DBNL: variants seen among roughly 807,000 people sequenced by gnomAD.
DBNL encodes drebrin-like protein.
In DBNL, 35 loss-of-function variants were observed where a neutral mutation model predicts 62.2. The ratio of observed to expected loss-of-function variants is 0.56; its 90% CI spans 0.43 to 0.75. The LOEUF (loss-of-function observed/expected upper bound fraction) is 0.75. DBNL is among the 30% of genes least tolerant of loss of function. DBNL has a pLI of 0.00. For synonymous variants in DBNL, 197 were observed against 218.0 expected, an observed-to-expected ratio of 0.90 and a Z score of 0.85; for missense variants, 495 against 578.4, an observed-to-expected ratio of 0.86 and a Z score of 1.48.
rs183374479 is a variant in DBNL, at chr7:44,049,408, C to T, written c.84-817C>T. On this transcript the variant is annotated intron_variant, in intron 1 of 12. Coordinates refer to ENST00000448521, the MANE Select transcript of DBNL (RefSeq NM_001014436.3). ...CCTGACCTCGTGATCCACATCTGCC[C>T]GCCTCGGCCTCCCAGAGTGCTGGGA... Among the ~76,000 whole-genome samples the T allele has an allele frequency of 1.4e-4, 22 of 152,274 alleles. No homozygotes were observed. The East Asian group carries it at 2.5e-3, about 17-fold the overall frequency.
In DBNL at chr7:44,062,938, G is replaced by A. The variant is rs112718874; in HGVS notation, c.*2022G>A. 2.9e-5 allele frequency: 47 copies of A among 1,613,506 alleles called. No individual in the cohort carries two copies. Among genetic ancestry groups the A allele is most frequent in the South Asian group, 5.5e-5 (5 of 91,080 alleles). ...TCGCCTGGTCTGACATCCCTATGCC[G>A]GAAGGAATAGGTGTCCTTAGCCCCT... On this transcript the variant is annotated 3_prime_UTR_variant, in exon 13 of 13. Coordinates refer to ENST00000448521, the MANE Select transcript of DBNL (RefSeq NM_001014436.3).
chr7:44,053,964 C>T (rs1350374366), intron 4 of DBNL, among the ~76,000 whole-genome samples: 1 of 152,146 alleles, frequency 6.6e-6, no homozygotes, highest in South Asian at 2.1e-4. Flanking sequence ...GCGTGAACCA[C>T]CACGCCCAGC....
chr7:44,051,527 G>GT (rs1464208050), intron 2 of DBNL: 1 of 240,984 alleles, frequency 4.1e-6, no homozygotes, highest in Non-Finnish European at 8.1e-6. Flanking sequence ...AAATGACCCT[G>GT]TTTTTATTTC....
rs777803353 is a variant in DBNL, at chr7:44,060,926, C to T, written c.*10C>T. ...GGAGCTCATTGAGTGAGGCTGAGGG[C>T]ACATCTTGCCCTTCCCCTCTCAGAC... is the stretch of plus-strand genomic sequence containing the variant. On this transcript the variant is annotated 3_prime_UTR_variant, in exon 13 of 13. Transcript: ENST00000448521. This position sits in a 1 kb window ranked among gnomAD's most constrained non-coding sequence, Gnocchi z 6.3. 2 of 1,611,414 alleles carry T rather than the reference C, an allele frequency of 1.2e-6. No individual in the cohort carries two copies. Among genetic ancestry groups the T allele is most frequent in the East Asian group, 2.2e-5 (1 of 44,848 alleles).
Position 44,059,328 on chromosome 7 carries a change from A to G in DBNL, c.836-26A>G. On this transcript the variant is annotated intron_variant, in intron 9 of 12. Coordinates refer to ENST00000448521, the MANE Select transcript of DBNL (RefSeq NM_001014436.3). The surrounding 1 kb of genome is among the most constrained non-coding windows in gnomAD (Gnocchi z 4.1). ...GGTGTGTGGTGGTGTTTCTGAAGTG[A>G]TGTATATATTTACCCGGGTTTGCAG... is the stretch of plus-strand genomic sequence containing the variant. The G allele has an allele frequency of 6.2e-7, 1 of 1,611,886 alleles. No homozygotes were observed. The highest frequency in any genetic ancestry group is 8.5e-7 in the Non-Finnish European group (1 of 1,178,584).
In DBNL at chr7:44,051,781, G is replaced by T. The variant is rs892426215; in HGVS notation, c.140-49G>T. 1.9e-6 allele frequency: 3 copies of T among 1,583,754 alleles called. No homozygotes were observed. The African/African-American group carries it at 4.0e-5, about 21-fold the overall frequency. On this transcript the variant is annotated intron_variant, in intron 2 of 12. Transcript: ENST00000448521. Reference sequence around the variant, plus strand: ...TCCCTTCATGGTGGGACCAGGGCCAGCAGGGAATGTCAGGGCCACCCCTGA... The same window carrying T: ...TCCCTTCATGGTGGGACCAGGGCCATCAGGGAATGTCAGGGCCACCCCTGA...
At position 44,065,486 on chromosome 7, in the gene DBNL, G is replaced by A. The variant is rs1326342444; in HGVS notation, c.*4570G>A. 3 of 1,613,982 alleles carry A rather than the reference G, an allele frequency of 1.9e-6. No individual in the cohort carries two copies. Among genetic ancestry groups the A allele is most frequent in the African/African-American group, 1.3e-5 (1 of 74,936 alleles). The stretch of plus-strand genomic sequence containing the variant: ...ACAGAAACGGTTCTCCTGGTTCCAT[G>A]TGCTCTCGCCGTGCCGGACCATCAC... On this transcript the variant is annotated 3_prime_UTR_variant, in exon 13 of 13. Coordinates refer to ENST00000448521, the MANE Select transcript of DBNL (RefSeq NM_001014436.3).
chr7:44,051,762 C>T, intron 2 of DBNL, 68 bp from the exon 3 acceptor site: 2 of 1,509,442 alleles, frequency 1.3e-6, no homozygotes, highest in Non-Finnish European at 1.8e-6. Context: ...GGCCTCCCTT[C>T]ATGGTGGGAC....
chr7:44,052,591 C>T (rs559237535), intron 3 of DBNL, among the ~76,000 whole-genome samples: 2 of 147,516 alleles, frequency 1.4e-5, no homozygotes, highest in South Asian at 4.3e-4. Flanking sequence ...GCCTGGGCCA[C>T]AGAGCAAGAC....
In DBNL at chr7:44,065,303, T is replaced by G. The variant is rs2096157619; in HGVS notation, c.*4387T>G. 1.2e-6 allele frequency: 2 copies of G among 1,613,702 alleles called. No homozygotes were observed. Among genetic ancestry groups the G allele is most frequent in the Non-Finnish European group, 8.5e-7 (1 of 1,180,024 alleles). On this transcript the variant is annotated 3_prime_UTR_variant, in exon 13 of 13. Transcript: ENST00000448521. ...AGTGCGCACCACAGGCAGCCACATC[T>G]GGTCCGTGCCGTCCAGGATGGCCCA...
chr7:44,059,979 A>G lies in DBNL; in HGVS notation c.1048-69A>G. 1 of 1,498,194 alleles carries G rather than the reference A, an allele frequency of 6.7e-7. No homozygotes were observed. The highest frequency in any genetic ancestry group is 9.2e-7 in the Non-Finnish European group (1 of 1,090,670). The allele number at this position is 1,498,194 out of a possible 1,614,324, so 92.8% of individuals were successfully genotyped here. On this transcript the variant is annotated intron_variant, in intron 11 of 12. Transcript: ENST00000448521. The surrounding 1 kb of genome is among the most constrained non-coding windows in gnomAD (Gnocchi z 4.1). ...GCGTACTCCCAGCTTGACCTGAGCC[A>G]TGTGGGGCAGAGCAGCGATTGTGTG...
intron 6 of DBNL, 91 bp downstream of exon 6, chr7:44,057,950 A>G: frequency 2.5e-6 from 4 of 1,573,978 alleles, no homozygotes; most frequent in Non-Finnish European, 3.5e-6. Context: ...TGCAGCATCC[A>G]CTCTCCTTGG....
At chr7:44,054,094 G>A (rs929896484) in intron 4 of DBNL, among the ~76,000 whole-genome samples, 3 of 152,180 alleles carry the variant, frequency 2.0e-5, no homozygotes, top group Non-Finnish European at 2.9e-5. Context: ...AGTGAATGAC[G>A]TCATGGGTCT....
chr7:44,045,121 C>T (rs2096114639), intron 1 of DBNL, among the ~76,000 whole-genome samples: 1 of 152,248 alleles, frequency 6.6e-6, no homozygotes, highest in Non-Finnish European at 1.5e-5. Flanking sequence ...ATGTTGGATC[C>T]TCGGCCTGGT....
chr7:44,052,610 CAAAAAAA>C (rs756096866), intron 3 of DBNL, among the ~76,000 whole-genome samples: 2 of 109,894 alleles, frequency 1.8e-5, no homozygotes, highest in Non-Finnish European at 4.0e-5. Context: ...ACTCCATCTC[CAAAAAAA>C]AAAAAAAAAA....
At chr7:44,050,717 G>C (rs1326885994) in intron 2 of DBNL, 1 of 171,906 alleles carries the variant, frequency 5.8e-6, no homozygotes, top group Non-Finnish European at 1.3e-5. Context: ...GATAGTCACG[G>C]GGGAGGCTCT....
Position 44,051,945 on chromosome 7 carries a change from A to G in DBNL, c.252+3A>G, listed in dbSNP as rs2096127303. ...CCAAATTTGTCCTCATCAACTGGGT[A>G]TGTGGAGCCTGTTTCATCTAGGTGT... On this transcript the variant is annotated splice_donor_region_variant and intron_variant, in intron 3 of 12. Coordinates refer to ENST00000448521, the MANE Select transcript of DBNL (RefSeq NM_001014436.3). The G allele has an allele frequency of 6.2e-7, 1 of 1,613,500 alleles. No individual in the cohort carries two copies. The highest frequency in any genetic ancestry group is 1.1e-5 in the South Asian group (1 of 91,070).
rs757440418 is a variant in DBNL at position 44,058,949 on chromosome 7, C to T, written c.801C>T (p.Ala267=). Residue 267 remains alanine, a synonymous_variant, in exon 9 of 13, where the codon GCC becomes GCT. Coordinates refer to ENST00000448521, the MANE Select transcript of DBNL (RefSeq NM_001014436.3). ...PREIFKQKER[A]MSTTSISSPQ... ...AGATTTTCAAGCAGAAGGAGAGGGC[C>T]ATGTCCACCACCTCCATCTCCAGTC... 18 of 1,613,816 alleles carry T rather than the reference C, an allele frequency of 1.1e-5. No homozygotes were observed. In the East Asian group the frequency reaches 3.8e-4, roughly 34 times the overall value.
In DBNL at chr7:44,062,409, C is replaced by A. The variant is rs2096150919; in HGVS notation, c.*1493C>A. On this transcript the variant is annotated 3_prime_UTR_variant, in exon 13 of 13. Transcript: ENST00000448521. ...GCTGTCCAGGAAGCCGTGTCCTGGGCTGTGGTCCTTGCTCCCCATGGGGAG... is the reference window on the plus strand; with the variant it reads ...GCTGTCCAGGAAGCCGTGTCCTGGGATGTGGTCCTTGCTCCCCATGGGGAG... The A allele has an allele frequency of 1.1e-5, 4 of 349,326 alleles. No individual in the cohort carries two copies. The highest frequency in any genetic ancestry group is 2.2e-5 in the Non-Finnish European group (4 of 179,466). The allele number at this position is 349,326 out of a possible 1,614,324, so 21.6% of individuals were successfully genotyped here.
Sources: gnomAD v4.1 joint callset for allele counts (sites outside exome capture counted in the v4.1 genomes callset) on GRCh38, gnomAD v4.1.1 for gene constraint, Gnocchi (gnomAD v3.1) non-coding constraint, MANE v1.5 for transcripts, NCBI Gene and HGNC (gene_info 2026-07-23, HGNC 2026-07-21) for gene names.